Variants in NSD2 observed in about 807,000 individuals in gnomAD.
NSD2 encodes the protein nuclear receptor binding SET domain protein 2.
A neutral mutation model predicts 139.0 loss-of-function variants in NSD2; 12 were observed. The ratio of observed to expected loss-of-function variants is 0.09; its 90% CI spans 0.06 to 0.14. The LOEUF is 0.14. Among genes scored for constraint, NSD2 ranks in the 10% least tolerant of loss-of-function variants. The probability of loss-of-function intolerance (pLI) is 1.00; values close to 1 mark genes in which losing one functional copy is unlikely to be tolerated. For missense variants in NSD2, 1,155 were observed against 1,745.0 expected (o/e 0.66, Z 6.02); for synonymous variants, 669 against 648.7 (o/e 1.03, Z -0.48).
At chr4:1,933,155 G>A (rs1053770982) in intron 6 of NSD2, among the ~76,000 whole-genome samples, 3 of 152,240 alleles carry the variant, frequency 2.0e-5, no homozygotes, top group Non-Finnish European at 2.9e-5. Context: ...TGCAGCTGGT[G>A]AGGGCCCCCA....
In NSD2 at chr4:1,916,730, G is replaced by A. The variant is rs928452258; in HGVS notation, c.761-141G>A. On this transcript the variant is annotated intron_variant, in intron 3 of 21. Transcript: ENST00000508803. ...TCCCTCTTTGGCATGTGGCATGGAA[G>A]GGATAAGAAGTATAGAATTTGTTTT... 6.1e-4 allele frequency: 407 copies of A among 671,674 alleles called. 2 individuals carry two copies. Among genetic ancestry groups the A allele is most frequent in the Middle Eastern group, 1.6e-3 (4 of 2,460 alleles). 41.6% of individuals were successfully genotyped at this position (671,674 alleles called of 1,614,324 possible).
chr4:1,948,435 C>T lies in NSD2; in HGVS notation c.1882-2637C>T. 1 of 1,066,334 alleles carries T rather than the reference C, an allele frequency of 9.4e-7. No homozygotes were observed. The highest frequency in any genetic ancestry group is 1.1e-6 in the Non-Finnish European group (1 of 878,984). The allele number at this position is 1,066,334 out of a possible 1,614,324, so 66.1% of individuals were successfully genotyped here. ...TGGTGCGTGGAGGTGGAGCCTGCGG[C>T]TGGAGTAAGGCTTGCTGTGGGACGC... On this transcript the variant is annotated intron_variant, in intron 9 of 21. Coordinates refer to ENST00000508803, the MANE Select transcript of NSD2 (RefSeq NM_001042424.3). This position sits in a 1 kb window ranked among gnomAD's most constrained non-coding sequence, Gnocchi z 4.5.
chr4:1,950,724 C>T (rs913846356), intron 9 of NSD2, among the ~76,000 whole-genome samples: 1 of 152,132 alleles, frequency 6.6e-6, no homozygotes, highest in African/African-American at 2.4e-5. Flanking sequence ...GTAAGAAGGG[C>T]CAAGATTCTT....
Position 1,953,777 on chromosome 4 carries a change from A to G in NSD2, c.2338+253A>G, listed in dbSNP as rs1346369902. On this transcript the variant is annotated intron_variant, in intron 12 of 21. Transcript: ENST00000508803. Reference sequence around the variant, plus strand: ...GGGCAACCTTTGGACCATTTGATAGATTTTGTTTACCCTGGCTTTTTTTTT... The same window carrying G: ...GGGCAACCTTTGGACCATTTGATAGGTTTTGTTTACCCTGGCTTTTTTTTT... Among the ~76,000 whole-genome samples the G allele has an allele frequency of 2.7e-5, 4 of 150,484 alleles. No homozygotes were observed. The East Asian group carries it at 7.8e-4, about 29-fold the overall frequency.
intron 1 of NSD2, among the ~76,000 whole-genome samples, chr4:1,891,382 C>T (rs533516134): frequency 3.9e-5 from 6 of 152,180 alleles, no homozygotes; most frequent in Non-Finnish European, 8.8e-5. Flanking sequence ...TGGGTTGGAG[C>T]TTGGTCCGTC....
In NSD2 at chr4:1,955,550, G is replaced by A. The variant is rs1724726637; in HGVS notation, c.2519-143G>A. ...ATTATTTGTGGTGAAAATGACATTT[G>A]CTCTCGTGCTGATGTACAGATCGCT... is the stretch of plus-strand genomic sequence containing the variant. On this transcript the variant is annotated intron_variant, in intron 13 of 21. Coordinates refer to ENST00000508803, the MANE Select transcript of NSD2 (RefSeq NM_001042424.3). The surrounding 1 kb of genome is among the most constrained non-coding windows in gnomAD (Gnocchi z 4.7). 1 of 1,239,742 alleles carries A rather than the reference G, an allele frequency of 8.1e-7. No homozygotes were observed. The highest frequency in any genetic ancestry group is 1.6e-5 in the South Asian group (1 of 62,508). The allele number at this position is 1,239,742 out of a possible 1,614,324, so 76.8% of individuals were successfully genotyped here.
chr4:1,945,506 A>C lies in NSD2; in HGVS notation c.1882-5566A>C, dbSNP rs1299880021. On this transcript the variant is annotated intron_variant, in intron 9 of 21. Transcript: ENST00000508803. ...TAGCATCTAGTTCCAAAACCAAAAA[A>C]AGTGCCTGTGGATGTATATAAAATT... 3.8e-6 allele frequency: 4 copies of C among 1,063,814 alleles called. No homozygotes were observed. The East Asian group carries it at 2.0e-4, about 53-fold the overall frequency. The allele number at this position is 1,063,814 out of a possible 1,614,324, so 65.9% of individuals were successfully genotyped here. A position where few individuals can be genotyped will look rare whatever the true frequency, so the allele number is the denominator to read the frequency against.
intron 5 of NSD2, among the ~76,000 whole-genome samples, chr4:1,925,853 G>A (rs1490664709): frequency 6.6e-6 from 1 of 151,744 alleles, no homozygotes; most frequent in African/African-American, 2.4e-5. Flanking sequence ...CCAGGCTGGA[G>A]TGCAGTGGTG....
chr4:1,941,114 A>T (rs1723047855), intron 9 of NSD2: 1 of 1,054,912 alleles, frequency 9.5e-7, no homozygotes, highest in Non-Finnish European at 1.1e-6. Context: ...GAAAAGGCAA[A>T]TTTTATACAA....
intron 9 of NSD2, chr4:1,944,281 A>G: frequency 1.9e-6 from 2 of 1,066,224 alleles, no homozygotes; most frequent in Non-Finnish European, 2.3e-6. Flanking sequence ...GGTGGGTGGA[A>G]ACGGCTCTTG....
rs372660600 is a variant in NSD2 at position 1,911,587 on chromosome 4, CAAAAAAAAAAAA to C, written c.761-5275_761-5264del. Among the ~76,000 whole-genome samples, 11 of 42,090 alleles carry C rather than the reference CAAAAAAAAAAAA, an allele frequency of 2.6e-4. No individual in the cohort carries two copies. In the South Asian group the frequency reaches 3.2e-3, roughly 12 times the overall value. The allele number at this position is 42,090 out of a possible 152,430, so 27.6% of individuals were successfully genotyped here. A position where few individuals can be genotyped will look rare whatever the true frequency, so the allele number is the denominator to read the frequency against. On this transcript the variant is annotated intron_variant, in intron 3 of 21. Coordinates refer to ENST00000508803, the MANE Select transcript of NSD2 (RefSeq NM_001042424.3). Reference sequence around the variant, plus strand: ...TGGGCGACAGAGCGAGACGCCATCTCAAAAAAAAAAAAAAAAAAAAGAAAAAAAAAAAGAAAG... The same window carrying C: ...TGGGCGACAGAGCGAGACGCCATCTCAAAAAAAAGAAAAAAAAAAAGAAAG...
Position 1,976,745 on chromosome 4 carries a change from T to TGCC in NSD2, c.3826+69_3826+71dup, listed in dbSNP as rs1377528477. ...GTGGCAGGCTCCTGATGGCGGCTGC[T>TGCC]GCCGCTCTTCCTGCTGACCGGGCCT... On this transcript the variant is annotated intron_variant, in intron 21 of 21. Coordinates refer to ENST00000508803, the MANE Select transcript of NSD2 (RefSeq NM_001042424.3). The surrounding 1 kb of genome is among the most constrained non-coding windows in gnomAD (Gnocchi z 5.3). 1.3e-6 allele frequency: 2 copies of TGCC among 1,484,896 alleles called. No individual in the cohort carries two copies. The highest frequency in any genetic ancestry group is 2.8e-5 in the African/African-American group (2 of 71,598). 92.0% of individuals were successfully genotyped at this position (1,484,896 alleles called of 1,614,324 possible). A position where few individuals can be genotyped will look rare whatever the true frequency, so the allele number is the denominator to read the frequency against.
chr4:1,892,985 T>C (rs1560571071), intron 1 of NSD2: 1 of 152,218 alleles, frequency 6.6e-6, no homozygotes, highest in Non-Finnish European at 1.5e-5. Flanking sequence ...ATTTGTAATT[T>C]TAAGAAGAAA....
In NSD2 at chr4:1,956,228, G is replaced by C. The variant is rs761633450; in HGVS notation, c.2881+40G>C. 2 of 1,496,068 alleles carry C rather than the reference G, an allele frequency of 1.3e-6. No homozygotes were observed. The highest frequency in any genetic ancestry group is 2.6e-5 in the South Asian group (2 of 76,856). The allele number at this position is 1,496,068 out of a possible 1,614,324, so 92.7% of individuals were successfully genotyped here. The stretch of plus-strand genomic sequence containing the variant: ...AGATAGAGAGTGAGACAGCACTCTC[G>C]TGCATTTTCTTACCCCTAATTTCTA... On this transcript the variant is annotated intron_variant, in intron 15 of 21. Transcript: ENST00000508803. The surrounding 1 kb of genome is among the most constrained non-coding windows in gnomAD (Gnocchi z 5.3).
intron 2 of NSD2, among the ~76,000 whole-genome samples, chr4:1,902,827 T>A (rs147633645): frequency 6.6e-6 from 1 of 152,018 alleles, no homozygotes; most frequent in African/African-American, 2.4e-5. Flanking sequence ...CTCTGGAGAG[T>A]GGGGTCAATA....
chr4:1,971,253 T>G (rs1726444871), intron 18 of NSD2, among the ~76,000 whole-genome samples: 1 of 152,100 alleles, frequency 6.6e-6, no homozygotes, highest in African/African-American at 2.4e-5. Flanking sequence ...GGAGTTGTTC[T>G]CAGACAAGGC....
chr4:1,963,791 G>T lies in NSD2; in HGVS notation c.3372+2640G>T, dbSNP rs1338843737. ...CACTTTGGAAGGCCGAGTTGGGAGG[G>T]TCACTTGAAGCCAGGAGTTTGAGAC... On this transcript the variant is annotated intron_variant, in intron 18 of 21. Coordinates refer to ENST00000508803, the MANE Select transcript of NSD2 (RefSeq NM_001042424.3). Among the ~76,000 whole-genome samples the T allele has an allele frequency of 2.0e-5, 3 of 152,186 alleles. No individual in the cohort carries two copies. The South Asian group carries it at 6.2e-4, about 31-fold the overall frequency.
intron 8 of NSD2, among the ~76,000 whole-genome samples, 163 bp downstream of exon 8, chr4:1,938,695 TCTC>T (rs2108892775): frequency 6.6e-6 from 1 of 152,258 alleles, no homozygotes; most frequent in South Asian, 2.1e-4. Context: ...GAAAGGAGGT[TCTC>T]CTGTGGTTGA....
chr4:1,906,961 T>TCATC (rs1718004366), intron 3 of NSD2, among the ~76,000 whole-genome samples: 1 of 151,996 alleles, frequency 6.6e-6, no homozygotes, highest in Non-Finnish European at 1.5e-5. Context: ...GTGCCCGGCC[T>TCATC]CATCTCTCTT....
Sources: gnomAD v4.1 joint callset for allele counts (sites outside exome capture counted in the v4.1 genomes callset) on GRCh38, gnomAD v4.1.1 for gene constraint, Gnocchi (gnomAD v3.1) non-coding constraint, MANE v1.5 for transcripts, NCBI Gene and HGNC (gene_info 2026-07-23, HGNC 2026-07-21) for gene names.